CLCC1: variants seen among roughly 807,000 people sequenced by gnomAD.
CLCC1 encodes chloride channel CLIC like 1, also known as chloride channel CLIC-like protein 1.
A neutral mutation model predicts 63.3 loss-of-function variants in CLCC1; 39 were observed. The observed-to-expected ratio is 0.62, with a 90% CI of 0.48 to 0.81. The LOEUF (loss-of-function observed/expected upper bound fraction) is 0.81, where lower values mean the gene tolerates loss of function less well. Ranked by LOEUF, CLCC1 falls within the 30% of genes least tolerant of loss-of-function variation. The pLI, the probability that CLCC1 is intolerant of heterozygous loss-of-function variation, is 0.00. For synonymous variants in CLCC1, 217 were observed against 239.8 expected (o/e 0.90, Z 0.88); for missense variants, 549 against 669.4 (o/e 0.82, Z 1.98).
intron 4 of CLCC1, 80 bp downstream of exon 4, chr1:108,949,740 C>A: frequency 1.3e-6 from 1 of 748,800 alleles, no homozygotes; most frequent in South Asian, 2.4e-5. Flanking sequence ...ACTAGAAATA[C>A]AAATTTATCA....
chr1:108,935,943 G>T (rs777256287), intron 11 of CLCC1, among the ~76,000 whole-genome samples: 1 of 152,092 alleles, frequency 6.6e-6, no homozygotes, highest in Non-Finnish European at 1.5e-5. Context: ...TAGTGGATGT[G>T]GGGGAAGGGG....
At chr1:108,939,872 A>G (rs116083238) in intron 9 of CLCC1, 90 bp from the exon 10 acceptor site, 96 of 1,400,158 alleles carry the variant, frequency 6.9e-5, no homozygotes, top group Non-Finnish European at 8.9e-5. Flanking sequence ...TGCTGAAAGT[A>G]TGTTACATAA....
At chr1:108,959,140 C>T (rs932259036) in intron 2 of CLCC1, among the ~76,000 whole-genome samples, 2 of 152,168 alleles carry the variant, frequency 1.3e-5, no homozygotes, top group Non-Finnish European at 2.9e-5. Flanking sequence ...CGCCATTGCA[C>T]TCCAGCTTGG....
In CLCC1 at chr1:108,932,378, C is replaced by CAA. The variant is rs991414518; in HGVS notation, c.*167_*168dup. 20 of 152,286 alleles carry CAA rather than the reference C, an allele frequency of 1.3e-4. No homozygotes were observed. Among genetic ancestry groups the CAA allele is most frequent in the African/African-American group, 4.3e-4 (18 of 41,550 alleles). 9.4% of individuals were successfully genotyped at this position (152,286 alleles called of 1,614,324 possible). A position where few individuals can be genotyped will look rare whatever the true frequency, so the allele number is the denominator to read the frequency against. ...TCTCATCTCATCTCTTTTCTGATAA[C>CAA]AAACACCCGATGTGTTCAATTTGCT... On this transcript the variant is annotated 3_prime_UTR_variant, in exon 13 of 13. Coordinates refer to ENST00000369969, the MANE Select transcript of CLCC1 (RefSeq NM_001377458.1).
intron 2 of CLCC1, among the ~76,000 whole-genome samples, chr1:108,954,391 G>C (rs955593442): frequency 6.6e-6 from 1 of 150,910 alleles, no homozygotes; most frequent in Non-Finnish European, 1.5e-5. Flanking sequence ...AGCTACTTGG[G>C]AGGCTGAGGC....
chr1:108,960,032 G>A (rs1487400068), intron 2 of CLCC1, among the ~76,000 whole-genome samples: 2 of 152,098 alleles, frequency 1.3e-5, no homozygotes, highest in African/African-American at 4.8e-5. Context: ...ACTTGGAGAG[G>A]CTGAGGTGGG....
rs775013241 is a variant in CLCC1, at chr1:108,940,095, A to AT, written c.843dup (p.Tyr282IlefsTer3). Reference sequence around the variant, plus strand: ...GGGTTGACTAGTAAGAGCTCATAGTATTTTTGGCATGGGTCATCCTTATAG... The same window carrying AT: ...GGGTTGACTAGTAAGAGCTCATAGTATTTTTTGGCATGGGTCATCCTTATAG... On this transcript the variant is annotated frameshift_variant, in exon 9 of 13. Coordinates refer to ENST00000369969, the MANE Select transcript of CLCC1 (RefSeq NM_001377458.1). LOFTEE classifies it high-confidence loss of function. The AT allele has an allele frequency of 1.2e-6, 2 of 1,613,836 alleles. No homozygotes were observed. Among genetic ancestry groups the AT allele is most frequent in the East Asian group, 4.5e-5 (2 of 44,838 alleles).
intron 2 of CLCC1, among the ~76,000 whole-genome samples, chr1:108,961,800 G>A (rs1451466247): frequency 6.6e-6 from 1 of 151,916 alleles, no homozygotes; most frequent in African/African-American, 2.4e-5. Flanking sequence ...TGCAGGTTGC[G>A]GTGAGCCGAG....
Position 108,947,616 on chromosome 1 carries a change from C to T in CLCC1, c.334G>A (p.Gly112Arg), listed in dbSNP as rs749320546. The T allele has an allele frequency of 6.3e-7, 1 of 1,596,470 alleles. No homozygotes were observed. The highest frequency in any genetic ancestry group is 8.6e-7 in the Non-Finnish European group (1 of 1,166,952). Residue 112 changes from glycine to arginine, a missense_variant, in exon 5 of 13, where the codon GGA becomes AGA. Transcript: ENST00000369969. ...NKILIEAGKLGLPDENKGDMH... is the reference protein window; with the variant it reads ...NKILIEAGKLRLPDENKGDMH... ...TCACACCATCAAATACTCACAAGTC[C>T]AAGCTTTCCAGCTTCAATTAAAATC...
chr1:108,937,497 C>A, intron 10 of CLCC1, 79 bp from the exon 11 acceptor site: 2 of 1,179,438 alleles, frequency 1.7e-6, no homozygotes, highest in Non-Finnish European at 1.2e-6. Flanking sequence ...ATTCAGAGTG[C>A]TAACAAAGTT....
rs1234354670 is a variant in CLCC1, at chr1:108,930,830, G to C, written c.*1717C>G. ...CTTGAACCCCTGGGAGGCAGAGATT[G>C]CAGTGAGCTGAGACCAAGCCACTGG... On this transcript the variant is annotated 3_prime_UTR_variant, in exon 13 of 13. Transcript: ENST00000369969. 1.3e-5 allele frequency: 2 copies of C among 152,566 alleles called. No homozygotes were observed. The highest frequency in any genetic ancestry group is 4.8e-5 in the African/African-American group (2 of 41,346). 9.5% of individuals were successfully genotyped at this position (152,566 alleles called of 1,614,324 possible). A position where few individuals can be genotyped will look rare whatever the true frequency, so the allele number is the denominator to read the frequency against.
intron 11 of CLCC1, 105 bp downstream of exon 11, chr1:108,936,972 A>G (rs1653114170): frequency 4.3e-6 from 3 of 696,320 alleles, no homozygotes; most frequent in Non-Finnish European, 4.2e-6. Flanking sequence ...CACTCATGAT[A>G]TAATTAAGGG....
intron 5 of CLCC1, 79 bp downstream of exon 5, chr1:108,947,532 T>C: frequency 1.2e-6 from 1 of 845,288 alleles, no homozygotes; most frequent in South Asian, 2.0e-5. Context: ...TCATGATGCT[T>C]TCACTTCTTC....
Position 108,931,358 on chromosome 1 carries a change from A to G in CLCC1, c.*1189T>C, listed in dbSNP as rs1176009860. 6 of 1,550,476 alleles carry G rather than the reference A, an allele frequency of 3.9e-6. No homozygotes were observed. Among genetic ancestry groups the G allele is most frequent in the Admixed American group, 3.9e-5 (2 of 50,954 alleles). ...GGGGATGATAACAAAGTAACTAACT[A>G]ACTGTAGCAAAAGACAAGTATGGGA... is the stretch of plus-strand genomic sequence containing the variant. On this transcript the variant is annotated 3_prime_UTR_variant, in exon 13 of 13. Coordinates refer to ENST00000369969, the MANE Select transcript of CLCC1 (RefSeq NM_001377458.1).
chr1:108,936,085 GTTTTTTTTTTTT>G (rs530980387), intron 11 of CLCC1, among the ~76,000 whole-genome samples: 1 of 88,108 alleles, frequency 1.1e-5, no homozygotes, highest in African/African-American at 4.6e-5. Flanking sequence ...ATCTTAAGTT[GTTTTTTTTTTTT>G]TTTTTTTTTT....
Position 108,939,745 on chromosome 1 carries a change from G to T in CLCC1, c.932C>A (p.Pro311Gln). Reference protein sequence around the residue: ...AVTFTTFVTEPLKHIGKGTGE... With the variant: ...AVTFTTFVTEQLKHIGKGTGE... ...AGTTCCTTTTCCAATATGCTTCAAT[G>T]GCTCCGTTACAAATGTGGTGAATGT... The change falls in exon 10 of 13, where the codon CCA becomes CAA. Residue 311 changes from proline to glutamine, a missense_variant. Pro to Gln is a moderately conservative substitution (Grantham distance 76). Transcript: ENST00000369969. 6 of 1,614,092 alleles carry T rather than the reference G, an allele frequency of 3.7e-6. No individual in the cohort carries two copies. The highest frequency in any genetic ancestry group is 5.1e-6 in the Non-Finnish European group (6 of 1,180,012).
rs1039819006 is a variant in CLCC1 at position 108,963,389 on chromosome 1, G to A, written c.-201C>T. The A allele has an allele frequency of 1.1e-4, 76 of 702,428 alleles. No homozygotes were observed. Among genetic ancestry groups the A allele is most frequent in the East Asian group, 1.0e-3 (38 of 37,268 alleles). 43.5% of individuals were successfully genotyped at this position (702,428 alleles called of 1,614,324 possible). On this transcript the variant is annotated 5_prime_UTR_variant, in exon 1 of 13. Coordinates refer to ENST00000369969, the MANE Select transcript of CLCC1 (RefSeq NM_001377458.1). Reference sequence around the variant, plus strand: ...CGGGATCCCCTGCCTGCCTCTCGAGGAAGACACCTGCCCAGGCCGGCCGCA... The same window carrying A: ...CGGGATCCCCTGCCTGCCTCTCGAGAAAGACACCTGCCCAGGCCGGCCGCA...
rs553148160 is a variant in CLCC1 at position 108,955,789 on chromosome 1, A to G, written c.-11-5341T>C. ...GACACCCTTCTTCTCCTGTCACTGGACATCAGAACTCCAGGCTCTCCAGGC... is the reference window on the plus strand; with the variant it reads ...GACACCCTTCTTCTCCTGTCACTGGGCATCAGAACTCCAGGCTCTCCAGGC... On this transcript the variant is annotated intron_variant, in intron 2 of 12. Transcript: ENST00000369969. Among the ~76,000 whole-genome samples, 4 of 151,596 alleles carry G rather than the reference A, an allele frequency of 2.6e-5. No individual in the cohort carries two copies. The South Asian group carries it at 8.3e-4, about 31-fold the overall frequency.
intron 1 of CLCC1, 144 bp downstream of exon 1, chr1:108,963,217 G>T (rs1656899372): frequency 2.2e-6 from 1 of 462,680 alleles, no homozygotes; most frequent in South Asian, 3.6e-5. Flanking sequence ...CGCAGCGGAC[G>T]CACGCAGCTA....
Sources: allele counts gnomAD v4.1 joint callset (sites outside exome capture counted in the v4.1 genomes callset), GRCh38; gene constraint gnomAD v4.1.1; transcripts MANE v1.5; gene names NCBI Gene and HGNC (gene_info 2026-07-23, HGNC 2026-07-21).